CHD9: variants seen among roughly 807,000 people sequenced by gnomAD.
CHD9 encodes chromodomain helicase DNA binding protein 9.
In CHD9, 77 loss-of-function variants were observed where a neutral mutation model predicts 316.1. The ratio of observed to expected loss-of-function variants is 0.24; its 90% CI spans 0.20 to 0.29. The LOEUF (loss-of-function observed/expected upper bound fraction) is 0.29. Among genes scored for constraint, CHD9 ranks in the 10% least tolerant of loss-of-function variants. The pLI, the probability that CHD9 is intolerant of heterozygous loss-of-function variation, is 1.00. For missense variants in CHD9, 2,763 were observed against 3,438.1 expected (o/e 0.80, Z 4.91); for synonymous variants, 1,129 against 1,158.3 (o/e 0.97, Z 0.51).
intron 1 of CHD9, among the ~76,000 whole-genome samples, chr16:53,056,142 C>T (rs895873903): frequency 6.6e-5 from 10 of 152,222 alleles, no homozygotes; most frequent in Non-Finnish European, 1.2e-4. Context: ...TCTCCAGCCT[C>T]GGCCTCCCAA....
intron 2 of CHD9, among the ~76,000 whole-genome samples, chr16:53,198,315 ATTTT>A (rs34946383): frequency 8.0e-6 from 1 of 125,234 alleles, no homozygotes. Flanking sequence ...TAAGCATTCA[ATTTT>A]TTTTTTTTTT....
chr16:53,157,664 T>C, intron 2 of CHD9, 123 bp downstream of exon 2: 2 of 909,208 alleles, frequency 2.2e-6, no homozygotes, highest in Non-Finnish European at 3.3e-6. Flanking sequence ...TAAGTGAACA[T>C]ACATATTTTG....
chr16:53,137,385 T>G (rs969059719), intron 1 of CHD9, among the ~76,000 whole-genome samples: 17 of 152,178 alleles, frequency 1.1e-4, no homozygotes, highest in Admixed American at 3.3e-4. Context: ...ATATGAACAT[T>G]CCTACACCCA....
At chr16:53,265,572 ATGG>A (rs1419821889) in intron 20 of CHD9, among the ~76,000 whole-genome samples, 1 of 152,208 alleles carries the variant, frequency 6.6e-6, no homozygotes, top group Non-Finnish European at 1.5e-5. Context: ...GATTTAATAA[ATGG>A]TGATTAGGAT....
intron 24 of CHD9, among the ~76,000 whole-genome samples, chr16:53,281,699 G>T (rs933638254): frequency 1.3e-5 from 2 of 152,120 alleles, no homozygotes; most frequent in Admixed American, 6.5e-5. Context: ...CCATGCTCCA[G>T]CCACAGTGGT....
intron 1 of CHD9, among the ~76,000 whole-genome samples, chr16:53,070,801 G>T (rs2033982899): frequency 6.6e-6 from 1 of 152,140 alleles, no homozygotes; most frequent in Non-Finnish European, 1.5e-5. Context: ...TGATCCGCCT[G>T]TCTTGGCCTC....
chr16:53,151,844 A>G (rs1215637847), intron 1 of CHD9, among the ~76,000 whole-genome samples: 1 of 151,986 alleles, frequency 6.6e-6, no homozygotes, highest in Non-Finnish European at 1.5e-5. Context: ...CTCTTTGATC[A>G]TATCTAAGAC....
chr16:53,263,454 TAAGAG>T (rs934876449), intron 20 of CHD9, among the ~76,000 whole-genome samples: 5 of 152,120 alleles, frequency 3.3e-5, no homozygotes, highest in African/African-American at 1.2e-4. Context: ...AAAATGTAAA[TAAGAG>T]GAGAAAAAAA....
intron 24 of CHD9, among the ~76,000 whole-genome samples, chr16:53,275,793 C>G (rs1370859313): frequency 6.6e-6 from 1 of 152,138 alleles, no homozygotes; most frequent in Admixed American, 6.5e-5. Flanking sequence ...TTCTTCTTCC[C>G]TCTTATTACA....
intron 2 of CHD9, among the ~76,000 whole-genome samples, chr16:53,186,983 A>G (rs556167423): frequency 6.6e-6 from 1 of 152,336 alleles, no homozygotes; most frequent in South Asian, 2.1e-4. Context: ...GAACAGACTA[A>G]TACAAATGCC....
At position 53,250,465 on chromosome 16, in the gene CHD9, C is replaced by T. The variant is rs545044476; in HGVS notation, c.3861+399C>T. 1.2e-4 allele frequency: 18 copies of T among 156,468 alleles called. No homozygotes were observed. The South Asian group carries it at 3.4e-3, about 30-fold the overall frequency. The allele number at this position is 156,468 out of a possible 1,614,324, so 9.7% of individuals were successfully genotyped here. A position where few individuals can be genotyped will look rare whatever the true frequency, so the allele number is the denominator to read the frequency against. On this transcript the variant is annotated intron_variant, in intron 17 of 38. Transcript: ENST00000447540. Reference sequence around the variant, plus strand: ...ACAGGCACGCATCATCACGCCTGGCCTGATATTTTTATAGTTTAAAGAATA... The same window carrying T: ...ACAGGCACGCATCATCACGCCTGGCTTGATATTTTTATAGTTTAAAGAATA...
chr16:53,230,169 A>G (rs1373428114), intron 8 of CHD9, among the ~76,000 whole-genome samples: 4 of 152,234 alleles, frequency 2.6e-5, no homozygotes, highest in Non-Finnish European at 5.9e-5. Context: ...AAAGAACACC[A>G]TAGAAGTGAT....
chr16:53,120,027 A>C lies in CHD9; in HGVS notation c.-164-35899A>C, dbSNP rs897121291. Among the ~76,000 whole-genome samples, 4 of 151,396 alleles carry C rather than the reference A, an allele frequency of 2.6e-5. No homozygotes were observed. The Admixed American group carries it at 2.6e-4, about 10-fold the overall frequency. On this transcript the variant is annotated intron_variant, in intron 1 of 38. Transcript: ENST00000447540. ...GGTTGCTTAAGCCTCGGAGTTTGAG[A>C]CCAGCCTGGGTAACATAGGAAGACC...
At chr16:53,151,122 C>G (rs577951334) in intron 1 of CHD9, among the ~76,000 whole-genome samples, 1 of 151,730 alleles carries the variant, frequency 6.6e-6, no homozygotes, top group African/African-American at 2.4e-5. Flanking sequence ...TTGATTTTGT[C>G]TCATAGGTTT....
At chr16:53,171,674 C>A (rs558820895) in intron 2 of CHD9, among the ~76,000 whole-genome samples, 7 of 152,078 alleles carry the variant, frequency 4.6e-5, no homozygotes, top group African/African-American at 1.7e-4. Context: ...AATGGCAAAA[C>A]CCCGTCTCTA....
Position 53,238,324 on chromosome 16 carries a change from A to G in CHD9, c.2634-19A>G, listed in dbSNP as rs1489373765. ...AAAAAACCCAATGTATGCATGGATA[A>G]TGTATTTGTTTATTTCAGACGAAAC... is the stretch of plus-strand genomic sequence containing the variant. On this transcript the variant is annotated intron_variant, in intron 11 of 38. Transcript: ENST00000447540. 1.9e-6 allele frequency: 3 copies of G among 1,601,152 alleles called. No homozygotes were observed. Among genetic ancestry groups the G allele is most frequent in the African/African-American group, 1.3e-5 (1 of 74,686 alleles).
intron 22 of CHD9, among the ~76,000 whole-genome samples, chr16:53,271,753 A>G: frequency 6.6e-6 from 1 of 152,260 alleles, no homozygotes; most frequent in Admixed American, 6.5e-5. Flanking sequence ...AGAAGCCTAT[A>G]AATTATAACA....
At chr16:53,121,459 A>C (rs775288110) in intron 1 of CHD9, 7 of 455,944 alleles carry the variant, frequency 1.5e-5, no homozygotes, top group Non-Finnish European at 3.1e-5. Flanking sequence ...TAAAAGCAGA[A>C]CAGTGTTAAG....
chr16:53,320,507 G>A (rs544267847), intron 37 of CHD9, among the ~76,000 whole-genome samples: 1 of 152,246 alleles, frequency 6.6e-6, no homozygotes, highest in Admixed American at 6.5e-5. Flanking sequence ...GAGCGACAGA[G>A]TGAGACTCCA....
Sources: allele counts gnomAD v4.1 joint callset (sites outside exome capture counted in the v4.1 genomes callset), GRCh38; gene constraint gnomAD v4.1.1; transcripts MANE v1.5; gene names NCBI Gene and HGNC (gene_info 2026-07-23, HGNC 2026-07-21).